Variants in CD44 observed in about 807,000 individuals in gnomAD.
The protein encoded by CD44 is CD44 antigen.
CD44 carries 49 observed loss-of-function variants against 88.8 expected under a neutral mutation model. The observed-to-expected ratio is 0.55, with a 90% CI of 0.44 to 0.70. The LOEUF is 0.70. Among genes scored for constraint, CD44 ranks in the 30% least tolerant of loss-of-function variants. CD44 has a pLI of 0.00. For missense variants in CD44, 883 were observed against 913.8 expected, an observed-to-expected ratio of 0.97 and a Z score of 0.43; for synonymous variants, 325 against 312.3, an observed-to-expected ratio of 1.04 and a Z score of -0.43.
At chr11:35,205,220 A>G (rs183310216) in intron 10 of CD44, among the ~76,000 whole-genome samples, 1 of 152,340 alleles carries the variant, frequency 6.6e-6, no homozygotes, top group East Asian at 1.9e-4. Flanking sequence ...TCTTATCATC[A>G]TCTCTAAGTG....
intron 12 of CD44, among the ~76,000 whole-genome samples, chr11:35,209,471 G>A (rs1429233589): frequency 6.6e-6 from 1 of 152,130 alleles, no homozygotes; most frequent in African/African-American, 2.4e-5. Context: ...TGTTACTTGA[G>A]TAGGCTATTC....
At chr11:35,156,153 G>A (rs1349527785) in intron 1 of CD44, among the ~76,000 whole-genome samples, 1 of 152,084 alleles carries the variant, frequency 6.6e-6, no homozygotes, top group African/African-American at 2.4e-5. Context: ...TCTTTCATAG[G>A]CAGGAAAAAG....
chr11:35,145,984 G>A (rs892736420), intron 1 of CD44, among the ~76,000 whole-genome samples: 1 of 145,778 alleles, frequency 6.9e-6, no homozygotes, highest in Non-Finnish European at 1.5e-5. Context: ...ACTGGGGCAG[G>A]TTTTGTCTTC....
chr11:35,158,680 A>G (rs1942215785), intron 1 of CD44, among the ~76,000 whole-genome samples: 1 of 152,206 alleles, frequency 6.6e-6, no homozygotes, highest in South Asian at 2.1e-4. Flanking sequence ...GAAGATTTTC[A>G]TCCCATTTCT....
chr11:35,144,379 G>A (rs1040536863), intron 1 of CD44, among the ~76,000 whole-genome samples: 1 of 152,196 alleles, frequency 6.6e-6, no homozygotes, highest in African/African-American at 2.4e-5. Context: ...ATCTTTTTCT[G>A]CCTCAGAGAG....
intron 1 of CD44, among the ~76,000 whole-genome samples, chr11:35,142,603 G>A (rs1254158522): frequency 6.6e-6 from 1 of 152,218 alleles, no homozygotes; most frequent in African/African-American, 2.4e-5. Flanking sequence ...CCATGTGAAG[G>A]AGCAAAGAGG....
At chr11:35,188,037 A>G (rs72916137) in intron 4 of CD44, among the ~76,000 whole-genome samples, 11,735 of 152,182 alleles carry the variant, frequency 0.077, 534 homozygotes, top group Non-Finnish European at 0.11. Flanking sequence ...GAAAATCTCA[A>G]CCAGAACTTT....
intron 17 of CD44, chr11:35,223,248 G>C (rs1183659812): frequency 1.0e-6 from 1 of 985,176 alleles, no homozygotes. Flanking sequence ...CCTTTACAAA[G>C]AGTCTTTATA....
intron 1 of CD44, among the ~76,000 whole-genome samples, chr11:35,152,475 T>A (rs112350380): frequency 2.6e-5 from 4 of 152,352 alleles, no homozygotes; most frequent in African/African-American, 9.6e-5. Flanking sequence ...GCTTTATCTG[T>A]CTAATGGTTC....
chr11:35,221,044 C>A (rs1253187293), intron 16 of CD44, among the ~76,000 whole-genome samples: 1 of 152,162 alleles, frequency 6.6e-6, no homozygotes, highest in South Asian at 2.1e-4. Context: ...CAGGCGTGAG[C>A]CACCGCACCC....
intron 7 of CD44, among the ~76,000 whole-genome samples, chr11:35,199,070 A>G (rs921233318): frequency 5.9e-5 from 9 of 152,302 alleles, no homozygotes; most frequent in African/African-American, 2.2e-4. Context: ...ATCAAAGCCC[A>G]GCTGAGGTCA....
At position 35,229,481 on chromosome 11, in the gene CD44, G is replaced by C. The variant is rs554708642; in HGVS notation, c.*148G>C. The C allele has an allele frequency of 1.2e-5, 7 of 597,184 alleles. No homozygotes were observed. In the South Asian group the frequency reaches 1.6e-4, roughly 14 times the overall value. 37.0% of individuals were successfully genotyped at this position (597,184 alleles called of 1,614,324 possible). On this transcript the variant is annotated 3_prime_UTR_variant, in exon 18 of 18. Transcript: ENST00000428726. ...ATTTTCTACTCTTTTTGTTTTTTGTGTTTTGTTCTTTAAAGTCAGGTCCAA... is the reference window on the plus strand; with the variant it reads ...ATTTTCTACTCTTTTTGTTTTTTGTCTTTTGTTCTTTAAAGTCAGGTCCAA...
At chr11:35,206,037 T>G in intron 10 of CD44, 75 bp from the exon 11 acceptor site, 1 of 1,469,480 alleles carries the variant, frequency 6.8e-7, no homozygotes, top group Non-Finnish European at 9.0e-7. Context: ...AAGTCTTTTT[T>G]AAAAATAAAA....
At chr11:35,170,129 T>A (rs1004994165) in intron 1 of CD44, among the ~76,000 whole-genome samples, 1 of 152,306 alleles carries the variant, frequency 6.6e-6, no homozygotes, top group East Asian at 1.9e-4. Context: ...CATGTAATAG[T>A]CCCATAAACC....
chr11:35,177,745 G>A (rs1055294362), intron 2 of CD44, among the ~76,000 whole-genome samples: 1 of 152,228 alleles, frequency 6.6e-6, no homozygotes, highest in Non-Finnish European at 1.5e-5. Context: ...AAGGGAAAAG[G>A]AAAGTCTTTT....
chr11:35,148,015 C>T lies in CD44; in HGVS notation c.67+8645C>T, dbSNP rs1433459518. ...CTGAGGCAGGAGAATCACTTGAACC[C>T]GGGAGGCAGAGGTTGCAGTGAGCCA... On this transcript the variant is annotated intron_variant, in intron 1 of 17. Transcript: ENST00000428726. Among the ~76,000 whole-genome samples, 8 of 151,848 alleles carry T rather than the reference C, an allele frequency of 5.3e-5. 1 individual carries two copies. Among genetic ancestry groups the T allele is most frequent in the Admixed American group, 2.6e-4 (4 of 15,264 alleles).
At chr11:35,150,807 G>T (rs1665925310) in intron 1 of CD44, among the ~76,000 whole-genome samples, 1 of 152,110 alleles carries the variant, frequency 6.6e-6, no homozygotes, top group Non-Finnish European at 1.5e-5. Flanking sequence ...TCAGTCACAG[G>T]GTGACTGTGG....
At chr11:35,158,116 T>A (rs1942142376) in intron 1 of CD44, among the ~76,000 whole-genome samples, 2 of 152,208 alleles carry the variant, frequency 1.3e-5, no homozygotes, top group South Asian at 4.1e-4. Context: ...TGTTAAAAAC[T>A]CTGGAAAACT....
chr11:35,144,985 A>G (rs536876488), intron 1 of CD44, among the ~76,000 whole-genome samples: 1 of 152,346 alleles, frequency 6.6e-6, no homozygotes, highest in African/African-American at 2.4e-5. Flanking sequence ...TGGGTGACGT[A>G]CCAAGATAAG....
Sources: gnomAD v4.1 joint callset for allele counts (sites outside exome capture counted in the v4.1 genomes callset) on GRCh38, gnomAD v4.1.1 for gene constraint, MANE v1.5 for transcripts, NCBI Gene and HGNC (gene_info 2026-07-23, HGNC 2026-07-21) for gene names.